PDE4C: variants seen among roughly 807,000 people sequenced by gnomAD.
The protein encoded by PDE4C is 3',5'-cyclic-AMP phosphodiesterase 4C.
PDE4C carries 50 observed loss-of-function variants against 63.9 expected under a neutral mutation model. The observed-to-expected ratio is 0.78, with a 90% CI of 0.62 to 0.99. The LOEUF (loss-of-function observed/expected upper bound fraction) is 0.99. PDE4C is among the 50% of genes least tolerant of loss of function. The pLI, the probability that PDE4C is intolerant of heterozygous loss-of-function variation, is 0.00. For missense variants in PDE4C, 777 were observed against 899.1 expected (o/e 0.86, Z 1.74); for synonymous variants, 377 against 385.1 (o/e 0.98, Z 0.25).
At chr19:18,226,308 G>C in exon 1 of PDE4C, 1 of 1,569,710 alleles carries the variant, frequency 6.4e-7, no homozygotes, top group Non-Finnish European at 8.6e-7. Flanking sequence ...GCTGCAGGCG[G>C]ATGCTCTGAT....
exon 1 of PDE4C, chr19:18,233,245 G>C: frequency 6.5e-7 from 1 of 1,541,910 alleles, no homozygotes; most frequent in East Asian, 2.4e-5. Flanking sequence ...CCCCGTGAGC[G>C]GGCGCCGAGG....
At chr19:18,216,464 G>C (rs1024478124) in intron 12 of PDE4C, among the ~76,000 whole-genome samples, 1 of 151,518 alleles carries the variant, frequency 6.6e-6, no homozygotes, top group Non-Finnish European at 1.5e-5. Context: ...TAGTAGAGAC[G>C]AGGTTTCACC....
upstream of PDE4C, among the ~76,000 whole-genome samples, chr19:18,228,151 G>A (rs1427512456): frequency 6.6e-6 from 1 of 152,006 alleles, no homozygotes; most frequent in Non-Finnish European, 1.5e-5. Flanking sequence ...GGACACTGGA[G>A]CCAAGGTCTC....
At chr19:18,216,117 C>T (rs1968183531) in intron 12 of PDE4C, among the ~76,000 whole-genome samples, 1 of 151,986 alleles carries the variant, frequency 6.6e-6, no homozygotes, top group South Asian at 2.1e-4. Context: ...AGGCGTGAGC[C>T]ACCACGCCTG....
Position 18,233,023 on chromosome 19 carries a change from G to A in PDE4C, c.169C>T (p.Arg57Cys), listed in dbSNP as rs776567028. 4.5e-6 allele frequency: 7 copies of A among 1,540,822 alleles called. No homozygotes were observed. The East Asian group carries it at 1.7e-4, about 37-fold the overall frequency. Residue 57 changes from arginine (R) to cysteine (C), a missense_variant, in exon 1 of 15, where the codon CGC becomes TGC. By Grantham distance (180) the Arg-to-Cys change is radical (BLOSUM62 -3). Coordinates refer to the PDE4C transcript ENST00000594465. ...GGCCGCGGGCTCAGGTCCCTCTCGC[G>A]GCAGCCCGCGGACTTGTCCGGATCC... is the stretch of plus-strand genomic sequence containing the variant.
chr19:18,211,706 C>G, intron 14 of PDE4C, 53 bp downstream of exon 14: 1 of 1,598,800 alleles, frequency 6.3e-7, no homozygotes, highest in Non-Finnish European at 8.6e-7. Context: ...TGGCTCAGCC[C>G]CTCCTTTTAC....
chr19:18,239,213 A>C (rs1969000704), intron 1 of PDE4C, among the ~76,000 whole-genome samples: 1 of 152,220 alleles, frequency 6.6e-6, no homozygotes, highest in South Asian at 2.1e-4. Context: ...CTAGAGCCCA[A>C]GGTTGCAATT....
At chr19:18,214,124 G>A (rs1482022269) in intron 12 of PDE4C, among the ~76,000 whole-genome samples, 1 of 152,074 alleles carries the variant, frequency 6.6e-6, no homozygotes, top group African/African-American at 2.4e-5. Flanking sequence ...CTGGCATGGT[G>A]GTGGGCACCG....
intron 1 of PDE4C, among the ~76,000 whole-genome samples, chr19:18,231,852 C>G (rs1256562062): frequency 6.6e-6 from 1 of 152,116 alleles, no homozygotes; most frequent in East Asian, 1.9e-4. Flanking sequence ...TCTTCTGTCT[C>G]TGTCCTAACC....
chr19:18,251,498 G>A (rs1319909832), upstream of PDE4C, among the ~76,000 whole-genome samples: 1 of 151,188 alleles, frequency 6.6e-6, no homozygotes, highest in East Asian at 1.9e-4. Flanking sequence ...GCAGTGGCAC[G>A]ATCTCAGCTC....
intron 1 of PDE4C, among the ~76,000 whole-genome samples, chr19:18,243,844 C>T (rs1376601682): frequency 6.6e-6 from 1 of 151,866 alleles, no homozygotes; most frequent in East Asian, 1.9e-4. Flanking sequence ...CATCAACCTA[C>T]CACTCCTGAT....
exon 1 of PDE4C, chr19:18,233,080 G>T: frequency 6.4e-7 from 1 of 1,569,770 alleles, no homozygotes; most frequent in African/African-American, 1.3e-5. Flanking sequence ...CGGATGGGGC[G>T]CCGGGGTTGC....
At chr19:18,254,243 TGAA>T in the PDE4C span, among the ~76,000 whole-genome samples, 2 of 152,070 alleles carry the variant, frequency 1.3e-5, no homozygotes, top group Admixed American at 6.5e-5. Context: ...TCTGCTGAAA[TGAA>T]GATGATTCAG....
chr19:18,250,074 C>T (rs2148080557), upstream of PDE4C: 1 of 398,758 alleles, frequency 2.5e-6, no homozygotes. Flanking sequence ...AGGTTCTGCT[C>T]CTCCCCAGGA....
At chr19:18,228,777 G>A (rs951345174), upstream of PDE4C, among the ~76,000 whole-genome samples, 4 of 152,134 alleles carry the variant, frequency 2.6e-5, no homozygotes, top group African/African-American at 9.7e-5. Flanking sequence ...ACCAGGCCCT[G>A]GGAGGCTCTC....
exon 15 of PDE4C, chr19:18,211,230 G>A (rs1474100825): frequency 1.2e-6 from 2 of 1,608,676 alleles, no homozygotes; most frequent in Non-Finnish European, 1.7e-6. Context: ...GACCAGGTCA[G>A]CCCAAGTCTC....
chr19:18,219,077 C>A (rs749844316), intron 8 of PDE4C, 39 bp from the exon 9 acceptor site: 1 of 1,588,230 alleles, frequency 6.3e-7, no homozygotes, highest in East Asian at 2.2e-5. Flanking sequence ...AACCCCAGCC[C>A]AACTTCCCCA....
chr19:18,216,261 CTTT>C (rs559961551), intron 12 of PDE4C, among the ~76,000 whole-genome samples: 4 of 135,902 alleles, frequency 2.9e-5, no homozygotes, highest in Non-Finnish European at 4.8e-5. Flanking sequence ...TCACTAGCCC[CTTT>C]TTTTTTTTTT....
At chr19:18,217,144 G>T in intron 11 of PDE4C, 1 of 405,810 alleles carries the variant, frequency 2.5e-6, no homozygotes, top group Non-Finnish European at 4.4e-6. Flanking sequence ...CAGTGACAGT[G>T]AGTACTCAGT....
Sources: allele counts gnomAD v4.1 joint callset (sites outside exome capture counted in the v4.1 genomes callset), GRCh38; gene constraint gnomAD v4.1.1; transcripts MANE v1.5; gene names NCBI Gene and HGNC (gene_info 2026-07-23, HGNC 2026-07-21).